The following ATP8B1 variants were observed in gnomAD, a reference collection of about 807,000 sequenced individuals.
The protein encoded by ATP8B1 is ATPase phospholipid transporting 8B1, also known as phospholipid-transporting ATPase IC.
In ATP8B1, 80 loss-of-function variants were observed where a neutral mutation model predicts 149.9. The observed-to-expected ratio is 0.53, with a 90% confidence interval of 0.45 to 0.64. The LOEUF is 0.64. Ranked by LOEUF, ATP8B1 falls within the 30% of genes least tolerant of loss-of-function variation. ATP8B1 has a pLI of 0.00. For missense variants in ATP8B1, 1,247 were observed against 1,552.6 expected, an observed-to-expected ratio of 0.80 and a Z score of 3.31; for synonymous variants, 536 against 562.8, an observed-to-expected ratio of 0.95 and a Z score of 0.67.
Position 57,648,330 on chromosome 18 carries a change from G to C in ATP8B1, c.*158C>G. ...AGTCCTATTTCTTGGCTCTGCTATT[G>C]TTTAATAGTCCAACCCAAGGAGTTT... On this transcript the variant is annotated 3_prime_UTR_variant, in exon 28 of 28. Transcript: ENST00000648908. The C allele has an allele frequency of 1.1e-6, 1 of 920,358 alleles. No individual in the cohort carries two copies. Among genetic ancestry groups the C allele is most frequent in the Non-Finnish European group, 1.7e-6 (1 of 587,378 alleles). The allele number at this position is 920,358 out of a possible 1,614,324, so 57.0% of individuals were successfully genotyped here. A position where few individuals can be genotyped will look rare whatever the true frequency, so the allele number is the denominator to read the frequency against.
chr18:57,752,226 GATA>G lies in ATP8B1; in HGVS notation c.-25-20397_-25-20395del, dbSNP rs61423520. Among the ~76,000 whole-genome samples the G allele has an allele frequency of 2.8e-3, 412 of 144,564 alleles. 5 individuals are homozygous for G. Among genetic ancestry groups the G allele is most frequent in the African/African-American group, 9.5e-3 (376 of 39,498 alleles). 94.8% of individuals were successfully genotyped at this position (144,564 alleles called of 152,430 possible). ...TGTCTCAAATAATAATAATAATAAT[GATA>G]ATAATAATAATAATAAATGATAATC... On this transcript the variant is annotated intron_variant, in intron 1 of 27. Transcript: ENST00000648908.
At chr18:57,686,863 A>T (rs1448393380) in intron 13 of ATP8B1, among the ~76,000 whole-genome samples, 1 of 152,078 alleles carries the variant, frequency 6.6e-6, no homozygotes. Context: ...TGCTATTTTG[A>T]GACAGGGTCT....
chr18:57,684,043 C>T lies in ATP8B1; in HGVS notation c.1623G>A (p.Arg541=). Reference sequence around the variant, plus strand: ...TGCCAGAGAAACACTCACCATCAGTCCTATCCACCATGACTGTGTGGCAAA... The same window carrying T: ...TGCCAGAGAAACACTCACCATCAGTTCTATCCACCATGACTGTGTGGCAAA... The part of the protein sequence containing the change: ...LAVCHTVMVD[R]TDGQLNYQAA... The change falls in exon 15 of 28, where the codon AGG becomes AGA. Residue 541 remains arginine, a synonymous_variant. Coordinates refer to ENST00000648908, the MANE Select transcript of ATP8B1 (RefSeq NM_001374385.1). 6.2e-7 allele frequency: 1 copy of T among 1,614,138 alleles called. No homozygotes were observed. Among genetic ancestry groups the T allele is most frequent in the Non-Finnish European group, 8.5e-7 (1 of 1,180,026 alleles).
At chr18:57,760,699 A>G (rs949748706) in intron 1 of ATP8B1, among the ~76,000 whole-genome samples, 1 of 152,104 alleles carries the variant, frequency 6.6e-6, no homozygotes, top group African/African-American at 2.4e-5. Context: ...TTTTTATTTA[A>G]GATGGAGTTG....
intron 22 of ATP8B1, chr18:57,659,915 A>G (rs925154907): frequency 9.2e-5 from 14 of 152,336 alleles, no homozygotes; most frequent in South Asian, 8.3e-4. Context: ...GGAACATGCA[A>G]TTACCTATGT....
intron 14 of ATP8B1, 65 bp downstream of exon 14, chr18:57,685,007 C>T: frequency 6.3e-7 from 1 of 1,580,008 alleles, no homozygotes; most frequent in Non-Finnish European, 8.7e-7. Flanking sequence ...TCAAAGGAAG[C>T]ATGGCCCTGC....
intron 2 of ATP8B1, among the ~76,000 whole-genome samples, chr18:57,710,454 C>G (rs1276765521): frequency 6.6e-6 from 1 of 152,120 alleles, no homozygotes; most frequent in African/African-American, 2.4e-5. Flanking sequence ...GAGTGCAGCC[C>G]TCCTCTCATC....
chr18:57,662,726 C>G (rs1910552547), intron 20 of ATP8B1, 111 bp from the exon 21 acceptor site: 2 of 1,219,834 alleles, frequency 1.6e-6, no homozygotes, highest in Admixed American at 2.2e-5. Flanking sequence ...AGTTTACCAT[C>G]TTACCTATTT....
chr18:57,732,874 T>G (rs987277621), intron 1 of ATP8B1, among the ~76,000 whole-genome samples: 4 of 152,198 alleles, frequency 2.6e-5, no homozygotes, highest in Non-Finnish European at 5.9e-5. Flanking sequence ...TTTCTTACTG[T>G]GGATTGCTGG....
intron 2 of ATP8B1, among the ~76,000 whole-genome samples, chr18:57,717,861 G>A (rs1170856107): frequency 6.6e-6 from 1 of 151,138 alleles, no homozygotes; most frequent in Non-Finnish European, 1.5e-5. Flanking sequence ...TCAGTCTCCT[G>A]AGTAGCTAGG....
chr18:57,669,521 A>G (rs1271212084), intron 17 of ATP8B1, 39 bp from the exon 18 acceptor site: 2 of 1,568,864 alleles, frequency 1.3e-6, no homozygotes, highest in East Asian at 2.3e-5. Flanking sequence ...AATGCAAAGA[A>G]TAGTTAATTT....
rs151004335 is a variant in ATP8B1, at chr18:57,750,577, G to A, written c.-25-18745C>T. On this transcript the variant is annotated intron_variant, in intron 1 of 27. Transcript: ENST00000648908. Reference sequence around the variant, plus strand: ...AAAGCTGGTGTTTGGGCCACAAAACGGTCACCTCCAAGTGCTCCGCAGCTA... The same window carrying A: ...AAAGCTGGTGTTTGGGCCACAAAACAGTCACCTCCAAGTGCTCCGCAGCTA... Among the ~76,000 whole-genome samples, 396 of 152,244 alleles carry A rather than the reference G, an allele frequency of 2.6e-3. 2 individuals are homozygous for A. Among genetic ancestry groups the A allele is most frequent in the African/African-American group, 8.7e-3 (360 of 41,544 alleles).
chr18:57,697,524 T>C, intron 8 of ATP8B1, 94 bp downstream of exon 8: 1 of 1,336,508 alleles, frequency 7.5e-7, no homozygotes, highest in South Asian at 1.2e-5. Context: ...CAAGGCCAGA[T>C]ATCAAGCCGT....
Position 57,774,741 on chromosome 18 carries a change from T to C in ATP8B1, c.-26+28257A>G, listed in dbSNP as rs369854369. Among the ~76,000 whole-genome samples the C allele has an allele frequency of 2.2e-4, 33 of 152,376 alleles. No homozygotes were observed. The East Asian group carries it at 3.5e-3, about 16-fold the overall frequency. On this transcript the variant is annotated intron_variant, in intron 1 of 27. Coordinates refer to ENST00000648908, the MANE Select transcript of ATP8B1 (RefSeq NM_001374385.1). The stretch of plus-strand genomic sequence containing the variant: ...ATGTACGGTAACTATCTTACAGATG[T>C]TTGTTGACTGAATGAAAAGTCACCT...
At chr18:57,746,055 C>T (rs2079961133) in intron 1 of ATP8B1, among the ~76,000 whole-genome samples, 1 of 152,100 alleles carries the variant, frequency 6.6e-6, no homozygotes. Context: ...ACAGTATTAA[C>T]CGTGGGGGTG....
intron 1 of ATP8B1, among the ~76,000 whole-genome samples, chr18:57,760,871 C>T (rs2080143398): frequency 1.3e-5 from 2 of 151,856 alleles, no homozygotes; most frequent in East Asian, 1.9e-4. Flanking sequence ...CACCTGTAGT[C>T]CCAGCTACTC....
chr18:57,795,366 G>A (rs1350713323), intron 1 of ATP8B1, among the ~76,000 whole-genome samples: 1 of 118,638 alleles, frequency 8.4e-6, no homozygotes, highest in Admixed American at 8.2e-5. Flanking sequence ...TCACACCACT[G>A]CACTCCAGCC....
intron 2 of ATP8B1, among the ~76,000 whole-genome samples, chr18:57,717,547 C>CAAAAAAAAAAAAAAAAAAA (rs1163024544): frequency 1.5e-4 from 3 of 19,918 alleles, no homozygotes; most frequent in Non-Finnish European, 2.6e-4. Context: ...GACTCTGTCT[C>CAAAAAAAAAAAAAAAAAAA]AAAAAAAAAA....
chr18:57,676,717 C>CAAAAAAAAAAAAAAAAAAAAAAAAAAAA, intron 15 of ATP8B1, among the ~76,000 whole-genome samples: 1 of 92,220 alleles, frequency 1.1e-5, no homozygotes, highest in Non-Finnish European at 2.0e-5. Flanking sequence ...GACTCCATTT[C>CAAAAAAAAAAAAAAAAAAAAAAAAAAAA]AAAAAAAAAA....
Sources: gnomAD v4.1 joint callset for allele counts (sites outside exome capture counted in the v4.1 genomes callset) on GRCh38, gnomAD v4.1.1 for gene constraint, MANE v1.5 for transcripts, NCBI Gene and HGNC (gene_info 2026-07-23, HGNC 2026-07-21) for gene names.